Variants in NUP214 observed in about 807,000 individuals in gnomAD.
NUP214 encodes the protein nucleoporin 214.
NUP214 carries 79 observed loss-of-function variants against 196.2 expected under a neutral mutation model. The ratio of observed to expected loss-of-function variants is 0.40; its 90% CI spans 0.34 to 0.49. The LOEUF (loss-of-function observed/expected upper bound fraction) is 0.49. Ranked by LOEUF, NUP214 falls within the 20% of genes least tolerant of loss-of-function variation. NUP214 has a pLI of 0.58. For synonymous variants in NUP214, 1,020 were observed against 990.5 expected (o/e 1.03, Z -0.56); for missense variants, 2,468 against 2,539.0 (o/e 0.97, Z 0.60).
At position 131,192,169 on chromosome 9, in the gene NUP214, C is replaced by CTTTTTTTTTTTTTTTT; in HGVS notation, c.3575-28_3575-13dup. 2.0e-5 allele frequency: 9 copies of CTTTTTTTTTTTTTTTT among 447,000 alleles called. 1 individual carries two copies. The highest frequency in any genetic ancestry group is 1.7e-4 in the East Asian group (2 of 11,532). The allele number at this position is 447,000 out of a possible 1,614,324, so 27.7% of individuals were successfully genotyped here. ...AGTGTTTCTGTCTTTTTGTAATATT[C>CTTTTTTTTTTTTTTTT]TTTTTTTTTTTTTTTTTTTTTTTTT... On this transcript the variant is annotated intron_variant, in intron 26 of 35. Coordinates refer to ENST00000359428, the MANE Select transcript of NUP214 (RefSeq NM_005085.4).
intron 30 of NUP214, among the ~76,000 whole-genome samples, chr9:131,210,491 G>A (rs1834209249): frequency 6.6e-6 from 1 of 152,106 alleles, no homozygotes; most frequent in Admixed American, 6.5e-5. Context: ...AGCCGGCATG[G>A]TGGCGCGCCC....
At chr9:131,170,911 G>C (rs1457952765) in intron 21 of NUP214, among the ~76,000 whole-genome samples, 1 of 152,164 alleles carries the variant, frequency 6.6e-6, no homozygotes, top group East Asian at 1.9e-4. Context: ...ACTTTCTATA[G>C]TTCATCCTAA....
At chr9:131,126,655 C>T (rs971207189) in intron 1 of NUP214, among the ~76,000 whole-genome samples, 7 of 151,334 alleles carry the variant, frequency 4.6e-5, no homozygotes, top group African/African-American at 1.7e-4. Context: ...TCAAGCGATT[C>T]TCCTGCTTCA....
At chr9:131,142,473 A>G (rs909281969) in intron 11 of NUP214, among the ~76,000 whole-genome samples, 11 of 152,194 alleles carry the variant, frequency 7.2e-5, no homozygotes, top group Non-Finnish European at 1.2e-4. Context: ...TTCAGAAGAC[A>G]TTAATGGTTC....
intron 26 of NUP214, chr9:131,191,003 T>G (rs2131029956): frequency 6.6e-6 from 1 of 152,364 alleles, no homozygotes; most frequent in South Asian, 2.1e-4. Context: ...CTTTTCATCC[T>G]GTACATTTTA....
chr9:131,160,423 G>A (rs778978638), intron 18 of NUP214, among the ~76,000 whole-genome samples: 20 of 152,208 alleles, frequency 1.3e-4, no homozygotes, highest in Middle Eastern at 3.4e-3. Context: ...AGAAATGATG[G>A]CAAAGTAATG....
In NUP214 at chr9:131,135,768, A is replaced by G. The variant is rs574864394; in HGVS notation, c.939-172A>G. Among the ~76,000 whole-genome samples, 23 of 152,358 alleles carry G rather than the reference A, an allele frequency of 1.5e-4. No homozygotes were observed. In the South Asian group the frequency reaches 2.9e-3, roughly 19 times the overall value. On this transcript the variant is annotated intron_variant, in intron 8 of 35. Coordinates refer to ENST00000359428, the MANE Select transcript of NUP214 (RefSeq NM_005085.4). ...TCTACAGGGCTTTCTCACAGAAACT[A>G]AAAAGTTCAGCTTTACATCTAGAAT...
Position 131,198,490 on chromosome 9 carries a change from A to C in NUP214, c.4996A>C (p.Thr1666Pro). The change falls in exon 29 of 36, where the codon ACT becomes CCT. Residue 1666 changes from threonine to proline, a missense_variant. Thr to Pro is a conservative substitution (Grantham distance 38). Transcript: ENST00000359428. ...CAACCAGCTCACCAACAACACAGCC[A>C]CTGCCCCCTCTGCCACGCCCGTGTT... is the stretch of plus-strand genomic sequence containing the variant. ...AFNQLTNNTA[T>P]APSATPVFGQ... The C allele has an allele frequency of 6.2e-7, 1 of 1,614,208 alleles. No individual in the cohort carries two copies.
chr9:131,201,846 G>A (rs1171928093), intron 30 of NUP214, 129 bp downstream of exon 30: 2 of 776,990 alleles, frequency 2.6e-6, no homozygotes, highest in Non-Finnish European at 2.2e-6. Flanking sequence ...TTCTTAAGCT[G>A]TACTCCCTTC....
chr9:131,233,555 T>G lies in NUP214; in HGVS notation c.*68T>G. ...CCTCAGCTTCTTCCCCGAGAAATGC[T>G]GGAGCAGGCTGTTCAGACCGACGTT... On this transcript the variant is annotated 3_prime_UTR_variant, in exon 36 of 36. Transcript: ENST00000359428. 2 of 1,589,224 alleles carry G rather than the reference T, an allele frequency of 1.3e-6. No individual in the cohort carries two copies. The highest frequency in any genetic ancestry group is 1.7e-6 in the Non-Finnish European group (2 of 1,160,486).
chr9:131,176,112 G>A (rs906993567), intron 23 of NUP214, among the ~76,000 whole-genome samples: 3 of 152,010 alleles, frequency 2.0e-5, no homozygotes, highest in Non-Finnish European at 2.9e-5. Context: ...GAGGCCAGGA[G>A]TTTGAGACCA....
At chr9:131,168,168 A>G (rs2133569149) in intron 21 of NUP214, among the ~76,000 whole-genome samples, 1 of 152,308 alleles carries the variant, frequency 6.6e-6, no homozygotes, top group East Asian at 1.9e-4. Context: ...GGGATTACAG[A>G]TGTGAGCAAC....
intron 30 of NUP214, 27 bp downstream of exon 30, chr9:131,201,744 G>C (rs1479856811): frequency 6.3e-7 from 1 of 1,578,152 alleles, no homozygotes; most frequent in Admixed American, 1.7e-5. Flanking sequence ...CTTCATTCAC[G>C]TCAACATGTA....
At chr9:131,143,912 G>A (rs1295383215) in intron 11 of NUP214, among the ~76,000 whole-genome samples, 1 of 151,840 alleles carries the variant, frequency 6.6e-6, no homozygotes, top group Admixed American at 6.6e-5. Context: ...CTGTATTTAT[G>A]TGACTTTCTA....
At chr9:131,150,456 C>T in intron 15 of NUP214, 46 bp downstream of exon 15, 1 of 1,598,560 alleles carries the variant, frequency 6.3e-7, no homozygotes, top group Non-Finnish European at 8.6e-7. Context: ...AGCTGACAGA[C>T]TTGGATGGGT....
chr9:131,163,662 A>G (rs1219643037), intron 19 of NUP214, among the ~76,000 whole-genome samples: 1 of 152,170 alleles, frequency 6.6e-6, no homozygotes, highest in Non-Finnish European at 1.5e-5. Context: ...CTGAGGCACC[A>G]TCATGTTGTG....
chr9:131,220,237 G>A (rs753987109), intron 31 of NUP214, among the ~76,000 whole-genome samples: 1 of 152,168 alleles, frequency 6.6e-6, no homozygotes, highest in Non-Finnish European at 1.5e-5. Context: ...GGTCCGCCAA[G>A]ATATTCTCTT....
Position 131,184,191 on chromosome 9 carries a change from C to T in NUP214, c.3420-3098C>T, listed in dbSNP as rs376200435. Among the ~76,000 whole-genome samples, 29 of 150,882 alleles carry T rather than the reference C, an allele frequency of 1.9e-4. No individual in the cohort carries two copies. The East Asian group carries it at 3.1e-3, about 16-fold the overall frequency. On this transcript the variant is annotated intron_variant, in intron 24 of 35. Coordinates refer to ENST00000359428, the MANE Select transcript of NUP214 (RefSeq NM_005085.4). ...GATTACAGGTGTGCACCAGCACAGC[C>T]GGCTAATTTTTGTATTTTTAGTAGA...
At position 131,151,904 on chromosome 9, in the gene NUP214, C is replaced by A. The variant is rs766139912; in HGVS notation, c.2436+10C>A. 1.3e-6 allele frequency: 2 copies of A among 1,566,820 alleles called. No individual in the cohort carries two copies. The highest frequency in any genetic ancestry group is 2.0e-4 in the Middle Eastern group (1 of 4,944). On this transcript the variant is annotated intron_variant, in intron 17 of 35. Coordinates refer to ENST00000359428, the MANE Select transcript of NUP214 (RefSeq NM_005085.4). ...TGAAGCTCAGCTTCAGGTAGGAGATCTATGTAAATCTGTTTAAAAGATTTA... is the reference window on the plus strand; with the variant it reads ...TGAAGCTCAGCTTCAGGTAGGAGATATATGTAAATCTGTTTAAAAGATTTA...
Sources: allele counts gnomAD v4.1 joint callset (sites outside exome capture counted in the v4.1 genomes callset), GRCh38; gene constraint gnomAD v4.1.1; transcripts MANE v1.5; gene names NCBI Gene and HGNC (gene_info 2026-07-23, HGNC 2026-07-21).